Variants in FBH1 observed in about 807,000 individuals in gnomAD.
FBH1 encodes the protein F-box DNA helicase 1, also known as DNA 3'-5' helicase 1.
Under a neutral mutation model 115.5 loss-of-function variants are expected in FBH1, and 43 were observed. The ratio of observed to expected loss-of-function variants is 0.37; its 90% CI spans 0.29 to 0.48. The LOEUF is 0.48. Among genes scored for constraint, FBH1 ranks in the 20% least tolerant of loss-of-function variants. The pLI is 0.99. For missense variants in FBH1, 1,001 were observed against 1,337.3 expected (o/e 0.75, Z 3.92); for synonymous variants, 524 against 507.8 (o/e 1.03, Z -0.43).
In FBH1 at chr10:5,911,289, A is replaced by AG. The variant is rs1455876875; in HGVS notation, c.1211+162dup. 6.6e-6 allele frequency among the ~76,000 whole-genome samples: 1 copy of AG among 152,142 alleles called. No individual in the cohort carries two copies. The highest frequency in any genetic ancestry group is 1.5e-5 in the Non-Finnish European group (1 of 68,024). On this transcript the variant is annotated intron_variant, in intron 6 of 20. Coordinates refer to ENST00000362091, the MANE Select transcript of FBH1 (RefSeq NM_178150.3). The surrounding 1 kb of genome is among the most constrained non-coding windows in gnomAD (Gnocchi z 5.4). ...TCTTCTGCAGGAGCCAGGGGCTGAG[A>AG]GTTTGATGTGGAAAGGCTGGTAAGA...
In FBH1 at chr10:5,900,582, G is replaced by A. The variant is rs946559278; in HGVS notation, c.2-2438G>A. Among the ~76,000 whole-genome samples, 2 of 152,226 alleles carry A rather than the reference G, an allele frequency of 1.3e-5. No homozygotes were observed. The highest frequency in any genetic ancestry group is 2.9e-5 in the Non-Finnish European group (2 of 68,046). On this transcript the variant is annotated intron_variant, in intron 1 of 20. Coordinates refer to ENST00000362091, the MANE Select transcript of FBH1 (RefSeq NM_178150.3). The surrounding 1 kb of genome is among the most constrained non-coding windows in gnomAD (Gnocchi z 4.2). ...TTAGACGATTTCCAGCGTCCTTTCAGAGGGGCTCTCAGAACTGCTTTTGTT... is the reference window on the plus strand; with the variant it reads ...TTAGACGATTTCCAGCGTCCTTTCAAAGGGGCTCTCAGAACTGCTTTTGTT...
At chr10:5,920,509 T>C (rs948716934) in intron 13 of FBH1, among the ~76,000 whole-genome samples, 4 of 152,274 alleles carry the variant, frequency 2.6e-5, no homozygotes, top group African/African-American at 7.2e-5. Flanking sequence ...AAAGGAGATT[T>C]GTTTTTTCTC....
intron 13 of FBH1, among the ~76,000 whole-genome samples, chr10:5,920,049 G>C (rs944890052): frequency 6.6e-6 from 1 of 152,192 alleles, no homozygotes; most frequent in Non-Finnish European, 1.5e-5. Flanking sequence ...GACTTCAGGA[G>C]CCCATCCAGG....
In FBH1 at chr10:5,918,472, C is replaced by G. The variant is rs374010684; in HGVS notation, c.2094C>G (p.Leu698=). The part of the protein sequence containing the change: ...FTVPHTHVFY[L]TQSFRFGVEI... Reference sequence around the variant, plus strand: ...TGCCCCACACCCACGTCTTCTATCTCACGCAGGTAAGTGCGCACTCTGCAT... The same window carrying G: ...TGCCCCACACCCACGTCTTCTATCTGACGCAGGTAAGTGCGCACTCTGCAT... The change falls in exon 13 of 21, where the codon CTC becomes CTG. Residue 698 remains leucine (L), a synonymous_variant. Transcript: ENST00000362091. This position sits in a 1 kb window ranked among gnomAD's most constrained non-coding sequence, Gnocchi z 4.0. 2 of 1,599,314 alleles carry G rather than the reference C, an allele frequency of 1.3e-6. No individual in the cohort carries two copies. The highest frequency in any genetic ancestry group is 1.7e-6 in the Non-Finnish European group (2 of 1,175,372).
In FBH1 at chr10:5,895,042, T is replaced by G. The variant is rs12355290; in HGVS notation, c.1+4696T>G. ...ACAGTTAACTGTTGAAATTGGGCCA[T>G]TCCCGTTTCACAGGCTGCCATTGGA... On this transcript the variant is annotated intron_variant, in intron 1 of 20. Coordinates refer to ENST00000362091, the MANE Select transcript of FBH1 (RefSeq NM_178150.3). The surrounding 1 kb of genome is among the most constrained non-coding windows in gnomAD (Gnocchi z 5.0). 1,010 of 1,605,780 alleles carry G rather than the reference T, an allele frequency of 6.3e-4. 3 individuals are homozygous for G. Among genetic ancestry groups the G allele is most frequent in the Non-Finnish European group, 7.3e-4 (859 of 1,174,774 alleles).
At position 5,906,454 on chromosome 10, in the gene FBH1, T is replaced by G. The variant is rs1299479107; in HGVS notation, c.575T>G (p.Ile192Ser). The G allele has an allele frequency of 6.2e-7, 1 of 1,614,178 alleles. No individual in the cohort carries two copies. The highest frequency in any genetic ancestry group is 1.7e-5 in the Admixed American group (1 of 60,024). Residue 192 changes from isoleucine (I) to serine (S), a missense_variant, in exon 3 of 21, where the codon ATT becomes AGT. Ile to Ser is a moderately radical substitution (Grantham distance 142). Around this residue, in one of 4 missense-constraint regions of FBH1, gnomAD observed 420 missense variants for 430.4 expected, o/e 0.98. Coordinates refer to ENST00000362091, the MANE Select transcript of FBH1 (RefSeq NM_178150.3). The surrounding 1 kb of genome is among the most constrained non-coding windows in gnomAD (Gnocchi z 7.3). Reference sequence around the variant, plus strand: ...GCTGGGGACGTGGGTCCTGATCCCATTCCTGACTCATACTATGGGCTTCTT... The same window carrying G: ...GCTGGGGACGTGGGTCCTGATCCCAGTCCTGACTCATACTATGGGCTTCTT... ...QDAGDVGPDP[I>S]PDSYYGLLGT...
rs1043558199 is a variant in FBH1, at chr10:5,900,593, A to G, written c.2-2427A>G. ...CCAGCGTCCTTTCAGAGGGGCTCTC[A>G]GAACTGCTTTTGTTTGTAGAATTGA... On this transcript the variant is annotated intron_variant, in intron 1 of 20. Coordinates refer to ENST00000362091, the MANE Select transcript of FBH1 (RefSeq NM_178150.3). This position sits in a 1 kb window ranked among gnomAD's most constrained non-coding sequence, Gnocchi z 4.2. Among the ~76,000 whole-genome samples, 20 of 152,388 alleles carry G rather than the reference A, an allele frequency of 1.3e-4. No individual in the cohort carries two copies. Among genetic ancestry groups the G allele is most frequent in the African/African-American group, 4.6e-4 (19 of 41,586 alleles).
rs1316800518 is a variant in FBH1 at position 5,914,767 on chromosome 10, A to G, written c.1396+498A>G. 6.6e-6 allele frequency among the ~76,000 whole-genome samples: 1 copy of G among 152,174 alleles called. No individual in the cohort carries two copies. Among genetic ancestry groups the G allele is most frequent in the Non-Finnish European group, 1.5e-5 (1 of 68,028 alleles). ...AAGTACTTGGTTACTCTTTCATCAC[A>G]GCCTTTGCTCGTGCTATTTGCTATT... On this transcript the variant is annotated intron_variant, in intron 8 of 20. Coordinates refer to ENST00000362091, the MANE Select transcript of FBH1 (RefSeq NM_178150.3). The surrounding 1 kb of genome is among the most constrained non-coding windows in gnomAD (Gnocchi z 5.2).
intron 3 of FBH1, among the ~76,000 whole-genome samples, chr10:5,908,171 T>C (rs1487139152): frequency 6.6e-6 from 1 of 152,240 alleles, no homozygotes; most frequent in African/African-American, 2.4e-5. Flanking sequence ...TCAGGGGTTG[T>C]TTCCTATATT....
At position 5,931,683 on chromosome 10, in the gene FBH1, A is replaced by G. The variant is rs1832980331; in HGVS notation, c.2829+4142A>G. Among the ~76,000 whole-genome samples the G allele has an allele frequency of 6.6e-6, 1 of 152,200 alleles. No individual in the cohort carries two copies. Among genetic ancestry groups the G allele is most frequent in the Admixed American group, 6.5e-5 (1 of 15,286 alleles). ...TGATGTATTTATTAGTCAAAATATC[A>G]TGTTCTGAAGTCACTTAAAGTAAGT... On this transcript the variant is annotated intron_variant, in intron 19 of 20. Transcript: ENST00000362091. This position sits in a 1 kb window ranked among gnomAD's most constrained non-coding sequence, Gnocchi z 4.3.
In FBH1 at chr10:5,918,444, C is replaced by T. The variant is rs781119951; in HGVS notation, c.2066C>T (p.Thr689Ile). ...TFRGAVNALF[T>I]VPHTHVFYLT... is the part of the protein sequence containing the mutation. ...CGGGGTGCGGTCAACGCCCTGTTCA[C>T]AGTGCCCCACACCCACGTCTTCTAT... The change falls in exon 13 of 21, where the codon ACA becomes ATA. Residue 689 changes from threonine (T) to isoleucine (I), a missense_variant. Physicochemically the swap from Thr to Ile is moderately conservative, Grantham distance 89 (BLOSUM62 -1). Coordinates refer to ENST00000362091, the MANE Select transcript of FBH1 (RefSeq NM_178150.3). The surrounding 1 kb of genome is among the most constrained non-coding windows in gnomAD (Gnocchi z 4.0). The T allele has an allele frequency of 6.2e-7, 1 of 1,609,060 alleles. No individual in the cohort carries two copies. Among genetic ancestry groups the T allele is most frequent in the Non-Finnish European group, 8.5e-7 (1 of 1,178,536 alleles).
Position 5,909,044 on chromosome 10 carries a change from G to A in FBH1, c.873G>A (p.Leu291=), listed in dbSNP as rs750785992. 2.5e-6 allele frequency: 4 copies of A among 1,614,170 alleles called. No homozygotes were observed. The highest frequency in any genetic ancestry group is 3.4e-6 in the Non-Finnish European group (4 of 1,180,044). ...AAAAGGAGTCAGACCTGTGTGTGCT[G>A]AACCTCATACGGTGAGCTTTGCCTG... ...GIEKESDLCV[L]NLIRYTATTK... is the part of the protein sequence containing the mutation. The change falls in exon 4 of 21, where the codon CTG becomes CTA. Residue 291 remains leucine, a synonymous_variant. Transcript: ENST00000362091. This position sits in a 1 kb window ranked among gnomAD's most constrained non-coding sequence, Gnocchi z 4.4.
In FBH1 at chr10:5,918,277, CTTTTCT is replaced by C. The variant is rs1247833808; in HGVS notation, c.1964-60_1964-55del. The C allele has an allele frequency of 1.9e-6, 3 of 1,583,676 alleles. No individual in the cohort carries two copies. The highest frequency in any genetic ancestry group is 8.5e-7 in the Non-Finnish European group (1 of 1,170,696). Reference sequence around the variant, plus strand: ...TTAGCTTCGTGGAAGTGTTTTTGTCCTTTTCTTTTTGCTGCCTGGGGTGGAGGCCTC... The same window carrying C: ...TTAGCTTCGTGGAAGTGTTTTTGTCCTTTTGCTGCCTGGGGTGGAGGCCTC... On this transcript the variant is annotated intron_variant, in intron 12 of 20. Transcript: ENST00000362091. This position sits in a 1 kb window ranked among gnomAD's most constrained non-coding sequence, Gnocchi z 4.0.
In FBH1 at chr10:5,911,767, T is replaced by C. The variant is rs1185402753; in HGVS notation, c.1211+639T>C. Among the ~76,000 whole-genome samples the C allele has an allele frequency of 2.6e-5, 4 of 152,130 alleles. No homozygotes were observed. In the East Asian group the frequency reaches 7.7e-4, roughly 29 times the overall value. ...TGTGAAATGGCATTTTAGTGAGTAA[T>C]GAGCATTGCAGAGAAAATAGAACAG... On this transcript the variant is annotated intron_variant, in intron 6 of 20. Coordinates refer to ENST00000362091, the MANE Select transcript of FBH1 (RefSeq NM_178150.3). This position sits in a 1 kb window ranked among gnomAD's most constrained non-coding sequence, Gnocchi z 5.4.
At chr10:5,894,762 TC>T (rs1195223183) in intron 1 of FBH1, among the ~76,000 whole-genome samples, 2 of 152,236 alleles carry the variant, frequency 1.3e-5, no homozygotes, top group Non-Finnish European at 2.9e-5. Flanking sequence ...ACCTCTCTAC[TC>T]CTTCCCACTA....
chr10:5,919,610 G>A (rs1256593830), intron 13 of FBH1, among the ~76,000 whole-genome samples: 1 of 152,204 alleles, frequency 6.6e-6, no homozygotes, highest in Non-Finnish European at 1.5e-5. Flanking sequence ...ATTTTTAAGT[G>A]TGAAGCATCC....
intron 1 of FBH1, among the ~76,000 whole-genome samples, 155 bp downstream of exon 1, chr10:5,890,501 G>C (rs1038888224): frequency 4.0e-5 from 6 of 151,084 alleles, no homozygotes; most frequent in African/African-American, 1.4e-4. Flanking sequence ...GCGGGCGTGG[G>C]GGCTCGGCCG....
intron 18 of FBH1, among the ~76,000 whole-genome samples, chr10:5,927,110 C>CT (rs1352897289): frequency 6.6e-6 from 1 of 152,226 alleles, no homozygotes; most frequent in Non-Finnish European, 1.5e-5. Flanking sequence ...CCCCGTCTGT[C>CT]TCACGGGCTT....
rs1843451104 is a variant in FBH1 at position 5,903,018 on chromosome 10, A to T, written c.2-2A>T. On this transcript the variant is annotated splice_acceptor_variant, in intron 1 of 20. Coordinates refer to ENST00000362091, the MANE Select transcript of FBH1 (RefSeq NM_178150.3). LOFTEE classifies it high-confidence loss of function. The stretch of plus-strand genomic sequence containing the variant: ...TTTCTTCTACCTGCTGGTATGAAAC[A>T]GTGAGACGGTTTAAGCGGAAGCATC... The T allele has an allele frequency of 1.2e-6, 2 of 1,607,884 alleles. No individual in the cohort carries two copies. Among genetic ancestry groups the T allele is most frequent in the Non-Finnish European group, 1.7e-6 (2 of 1,176,410 alleles).
Sources: gnomAD v4.1 joint callset for allele counts (sites outside exome capture counted in the v4.1 genomes callset) on GRCh38, gnomAD v4.1.1 for gene constraint, gnomAD v4.1.1 regional missense constraint, Gnocchi (gnomAD v3.1) non-coding constraint, MANE v1.5 for transcripts, NCBI Gene and HGNC (gene_info 2026-07-23, HGNC 2026-07-21) for gene names.